PAK3: variants seen among roughly 807,000 people sequenced by gnomAD.
The protein encoded by PAK3 is p21 (RAC1) activated kinase 3.
PAK3 carries 4 observed loss-of-function variants against 41.0 expected under a neutral mutation model. The observed-to-expected ratio is 0.10, with a 90% CI of 0.05 to 0.22. PAK3 has a LOEUF of 0.22. Among genes scored for constraint, PAK3 ranks in the 10% least tolerant of loss-of-function variants. PAK3 has a pLI of 1.00. For missense variants in PAK3, 205 were observed against 409.9 expected (o/e 0.50, Z 4.32); for synonymous variants, 146 against 139.6 (o/e 1.05, Z -0.32).
At chrX:110,968,011 A>C (rs1356636881) in intron 1 of PAK3, among the ~76,000 whole-genome samples, 1 of 112,438 alleles carries the variant, frequency 8.9e-6, no homozygotes, top group Non-Finnish European at 1.9e-5. Context: ...TACCCTTGGC[A>C]ACCACTAATC....
At chrX:111,083,029 A>G (rs1232702850) in intron 1 of PAK3, among the ~76,000 whole-genome samples, 1 of 112,622 alleles carries the variant, frequency 8.9e-6, no homozygotes, top group Non-Finnish European at 1.9e-5. Context: ...AGAAATATTT[A>G]AAAGAAATTA....
At chrX:111,165,781 A>G (rs947548162) in intron 10 of PAK3, among the ~76,000 whole-genome samples, 1 of 102,917 alleles carries the variant, frequency 9.7e-6, no homozygotes, top group Non-Finnish European at 1.9e-5. Context: ...TACAACAAAA[A>G]TGCTTGTATA....
At chrX:111,127,802 A>G (rs2093668662) in intron 5 of PAK3, among the ~76,000 whole-genome samples, 1 of 111,434 alleles carries the variant, frequency 9.0e-6, no homozygotes, top group Non-Finnish European at 1.9e-5. Flanking sequence ...TCGTGTTCCT[A>G]TCTTTATTGT....
At chrX:110,976,597 TC>T (rs2091335453) in intron 1 of PAK3, among the ~76,000 whole-genome samples, 1 of 111,715 alleles carries the variant, frequency 9.0e-6, no homozygotes, top group South Asian at 3.8e-4. Context: ...GACCCAGCAA[TC>T]CCATTACTGG....
intron 1 of PAK3, chrX:110,944,775 G>A (rs1001978424): frequency 2.7e-5 from 3 of 112,357 alleles, no homozygotes; most frequent in African/African-American, 9.7e-5. Context: ...GAAAGGCTGG[G>A]AAGGCAGCTG....
chrX:111,056,750 C>A (rs775943542), intron 1 of PAK3, among the ~76,000 whole-genome samples: 28 of 111,656 alleles, frequency 2.5e-4, no homozygotes, highest in Non-Finnish European at 4.7e-4. Context: ...GTAATTATTC[C>A]TTTCTTAATG....
intron 1 of PAK3, among the ~76,000 whole-genome samples, chrX:110,951,766 G>A (rs958701170): frequency 1.2e-4 from 14 of 112,491 alleles, no homozygotes; most frequent in East Asian, 8.4e-4. Context: ...TGTCGAAAGC[G>A]TTTTCCAACG....
intron 5 of PAK3, among the ~76,000 whole-genome samples, chrX:111,138,552 G>A (rs2093825354): frequency 9.0e-6 from 1 of 111,287 alleles, no homozygotes; most frequent in Non-Finnish European, 1.9e-5. Flanking sequence ...AAAAGCCCAA[G>A]AGTGAGTCTT....
At chrX:110,991,831 A>G (rs2091654006) in intron 1 of PAK3, among the ~76,000 whole-genome samples, 2 of 111,606 alleles carry the variant, frequency 1.8e-5, no homozygotes, top group Admixed American at 9.5e-5. Flanking sequence ...AACACTTAAT[A>G]AGTAACTACT....
chrX:111,086,917 C>T (rs1216341193), intron 1 of PAK3, among the ~76,000 whole-genome samples: 1 of 111,855 alleles, frequency 8.9e-6, no homozygotes, highest in African/African-American at 3.3e-5. Flanking sequence ...CAGATAAGGA[C>T]TATAATTAGC....
intron 1 of PAK3, among the ~76,000 whole-genome samples, chrX:111,060,711 A>G (rs1450708727): frequency 4.5e-5 from 5 of 111,455 alleles, no homozygotes; most frequent in Non-Finnish European, 9.4e-5. Context: ...TTTCCACCCC[A>G]GGACATTGAC....
chrX:111,053,766 G>A (rs1204814185), intron 1 of PAK3, among the ~76,000 whole-genome samples: 1 of 111,116 alleles, frequency 9.0e-6, no homozygotes, highest in Non-Finnish European at 1.9e-5. Flanking sequence ...CATGAGCCCA[G>A]ACAGCACCTC....
chrX:111,172,791 T>C lies in PAK3; in HGVS notation c.767-227T>C, dbSNP rs180978220. ...AAGCAAAATGGGTTATTATTACTAC[T>C]TTAATTACTATAAAACTATTTGTTA... On this transcript the variant is annotated intron_variant, in intron 10 of 17. Coordinates refer to ENST00000372007, the MANE Select transcript of PAK3 (RefSeq NM_002578.5). 6.0e-3 allele frequency among the ~76,000 whole-genome samples: 670 copies of C among 111,546 alleles called. 9 individuals are homozygous for C. The highest frequency in any genetic ancestry group is 0.02 in the African/African-American group (620 of 30,749).
At chrX:111,147,238 A>G (rs779850858) in intron 6 of PAK3, among the ~76,000 whole-genome samples, 1 of 112,127 alleles carries the variant, frequency 8.9e-6, no homozygotes, top group Non-Finnish European at 1.9e-5. Flanking sequence ...TTTTGTAATC[A>G]CAAAGTATAA....
intron 4 of PAK3, among the ~76,000 whole-genome samples, chrX:111,115,278 TACTC>T (rs1349070278): frequency 8.9e-6 from 1 of 112,427 alleles, no homozygotes; most frequent in Non-Finnish European, 1.9e-5. Flanking sequence ...AAAACCAACA[TACTC>T]AATCATGAGT....
chrX:111,123,288 C>T lies in PAK3; in HGVS notation c.175+10C>T, dbSNP rs2093605086. 8.5e-7 allele frequency: 1 copy of T among 1,178,974 alleles called. No individual in the cohort carries two copies. The highest frequency in any genetic ancestry group is 1.2e-6 in the Non-Finnish European group (1 of 865,616). ...GGAGGAGGGGATAAAAGTAAAGTAT[C>T]AGTGGCCGGGCATTGAAAATGGGCT... On this transcript the variant is annotated intron_variant, in intron 5 of 17. Transcript: ENST00000372007.
At chrX:111,210,040 A>T (rs1238511406) in intron 16 of PAK3, among the ~76,000 whole-genome samples, 4 of 112,087 alleles carry the variant, frequency 3.6e-5, no homozygotes, top group Non-Finnish European at 7.5e-5. Flanking sequence ...GTTATTACCA[A>T]GATATTTAGA....
intron 1 of PAK3, among the ~76,000 whole-genome samples, chrX:110,973,180 C>G (rs1403720073): frequency 9.0e-6 from 1 of 111,587 alleles, no homozygotes; most frequent in East Asian, 2.8e-4. Context: ...CCTAGCAAGG[C>G]AAGCCAACAT....
intron 1 of PAK3, among the ~76,000 whole-genome samples, chrX:111,038,911 C>T (rs912849726): frequency 5.4e-5 from 6 of 111,369 alleles, no homozygotes; most frequent in Non-Finnish European, 9.4e-5. Flanking sequence ...TTTCCTTTCA[C>T]TCTCAGGACA....
Sources: gnomAD v4.1 joint callset for allele counts (sites outside exome capture counted in the v4.1 genomes callset) on GRCh38, gnomAD v4.1.1 for gene constraint, MANE v1.5 for transcripts, NCBI Gene and HGNC (gene_info 2026-07-23, HGNC 2026-07-21) for gene names.